The following NME9 variants were observed in gnomAD, a reference collection of about 807,000 sequenced individuals.
NME9 encodes thioredoxin domain-containing protein 6.
A neutral mutation model predicts 44.4 loss-of-function variants in NME9; 48 were observed. That is an observed-to-expected ratio of 1.08 (90% CI 0.86 to 1.37). The LOEUF (loss-of-function observed/expected upper bound fraction) is 1.37, where lower values mean the gene tolerates loss of function less well. Ranked by LOEUF, NME9 falls within the 40% of genes most tolerant of loss-of-function variation. NME9 has a pLI of 0.00. For missense variants in NME9, 325 were observed against 405.2 expected (o/e 0.80, Z 1.70); for synonymous variants, 139 against 147.1 (o/e 0.94, Z 0.40).
chr3:138,274,549 G>A (rs752483588), intron 8 of NME9: 1 of 1,598,254 alleles, frequency 6.3e-7, no homozygotes, highest in Non-Finnish European at 8.6e-7. Context: ...GAGCAGGTAC[G>A]TTGTTCCTTT....
intron 8 of NME9, among the ~76,000 whole-genome samples, chr3:138,272,196 A>C (rs914463774): frequency 6.6e-6 from 1 of 152,164 alleles, no homozygotes; most frequent in Non-Finnish European, 1.5e-5. Flanking sequence ...GCCAACACCT[A>C]CCATAGTATT....
Position 138,329,829 on chromosome 3 carries a change from G to T in NME9, c.-494C>A. On this transcript the variant is annotated 5_prime_UTR_variant, in exon 1 of 11. It introduces an in-frame stop codon into an upstream open reading frame of the 5' UTR. Transcript: ENST00000333911. ...CGGAGTCACCAACCGAGTCTGCCGC[G>T]ACCTAGCCGCGGTCGTCATGGCAAC... is the stretch of plus-strand genomic sequence containing the variant. 1 of 986,170 alleles carries T rather than the reference G, an allele frequency of 1.0e-6. No homozygotes were observed. The highest frequency in any genetic ancestry group is 1.2e-6 in the Non-Finnish European group (1 of 830,428). 61.1% of individuals were successfully genotyped at this position (986,170 alleles called of 1,614,324 possible). A position where few individuals can be genotyped will look rare whatever the true frequency, so the allele number is the denominator to read the frequency against.
chr3:138,311,633 A>G (rs1219233727), intron 6 of NME9, among the ~76,000 whole-genome samples: 1 of 152,230 alleles, frequency 6.6e-6, no homozygotes, highest in Non-Finnish European at 1.5e-5. Context: ...AACCAAGAAC[A>G]AAAACCATAT....
At position 138,315,650 on chromosome 3, in the gene NME9, T is replaced by C. The variant is rs2053022724; in HGVS notation, c.268-7A>G. 6.6e-7 allele frequency: 1 copy of C among 1,525,738 alleles called. No individual in the cohort carries two copies. The highest frequency in any genetic ancestry group is 8.8e-7 in the Non-Finnish European group (1 of 1,137,048). The allele number at this position is 1,525,738 out of a possible 1,614,324, so 94.5% of individuals were successfully genotyped here. A position where few individuals can be genotyped will look rare whatever the true frequency, so the allele number is the denominator to read the frequency against. On this transcript the variant is annotated splice_region_variant and splice_polypyrimidine_tract_variant and intron_variant, in intron 4 of 10. Transcript: ENST00000333911. ...CAGCCACCAGTTCTCCTCCCTAGAA[T>C]ACGTTACAAACAGCATGAAATACTC...
chr3:138,269,673 A>T (rs2048594299), intron 8 of NME9, among the ~76,000 whole-genome samples: 1 of 152,188 alleles, frequency 6.6e-6, no homozygotes, highest in Non-Finnish European at 1.5e-5. Context: ...AAAGTGACAG[A>T]GTCTCAGCGA....
intron 10 of NME9, among the ~76,000 whole-genome samples, chr3:138,302,757 A>G (rs974249332): frequency 1.3e-5 from 2 of 152,220 alleles, no homozygotes; most frequent in Admixed American, 1.3e-4. Context: ...ATTTAGACAC[A>G]CATTTCAGAT....
At chr3:138,304,313 G>T (rs1397359154) in intron 9 of NME9, among the ~76,000 whole-genome samples, 1 of 152,066 alleles carries the variant, frequency 6.6e-6, no homozygotes, top group Non-Finnish European at 1.5e-5. Context: ...CTGTTGTCTG[G>T]GCCTGTCAGC....
chr3:138,274,566 G>A (rs777919581), intron 8 of NME9: 33 of 1,557,706 alleles, frequency 2.1e-5, no homozygotes, highest in Non-Finnish European at 2.8e-5. Flanking sequence ...CTTTCTCTTG[G>A]GGAATATTTT....
intron 8 of NME9, chr3:138,270,063 A>T: frequency 6.2e-7 from 1 of 1,613,140 alleles, no homozygotes; most frequent in African/African-American, 1.3e-5. Context: ...CAGGAGCCGT[A>T]GAGCTACTTT....
intron 8 of NME9, among the ~76,000 whole-genome samples, chr3:138,283,986 C>A (rs567676170): frequency 2.0e-5 from 3 of 152,252 alleles, no homozygotes; most frequent in Non-Finnish European, 4.4e-5. Context: ...CAGGTGGAGG[C>A]CTAGGAAAGG....
chr3:138,299,032 A>C (rs2108420358), downstream of NME9, among the ~76,000 whole-genome samples: 1 of 152,304 alleles, frequency 6.6e-6, no homozygotes, highest in East Asian at 1.9e-4. Context: ...AGTGAGGTCT[A>C]AGGAGGGAAG....
chr3:138,267,347 C>T (rs1380973037), intron 8 of NME9: 5 of 630,312 alleles, frequency 7.9e-6, no homozygotes, highest in Non-Finnish European at 1.1e-5. Flanking sequence ...GGTTTAAAAA[C>T]TACTTCGGAA....
intron 8 of NME9, chr3:138,264,238 C>T (rs1045838057): frequency 6.3e-7 from 1 of 1,583,638 alleles, no homozygotes; most frequent in Non-Finnish European, 8.7e-7. Context: ...CAGCCAGTAA[C>T]AGCTGTACTC....
At chr3:138,271,557 T>G (rs2048788632) in intron 8 of NME9, among the ~76,000 whole-genome samples, 1 of 152,200 alleles carries the variant, frequency 6.6e-6, no homozygotes, top group Admixed American at 6.5e-5. Flanking sequence ...GTACAAACTA[T>G]CTTATTCTCG....
chr3:138,281,341 G>A (rs2049905231), intron 8 of NME9, among the ~76,000 whole-genome samples: 1 of 150,702 alleles, frequency 6.6e-6, no homozygotes, highest in African/African-American at 2.4e-5. Context: ...TTGCCAGGCT[G>A]GAGTGCAGTG....
chr3:138,297,767 G>A (rs1316107440), downstream of NME9: 1 of 152,182 alleles, frequency 6.6e-6, no homozygotes, highest in Admixed American at 6.6e-5. Flanking sequence ...TAGTTTATTG[G>A]GAAGAAAGCC....
chr3:138,303,440 A>G, intron 10 of NME9, 67 bp downstream of exon 10: 1 of 1,309,236 alleles, frequency 7.6e-7, no homozygotes, highest in Non-Finnish European at 1.1e-6. Context: ...CCACACACTC[A>G]AGCACATAGT....
intron 6 of NME9, among the ~76,000 whole-genome samples, chr3:138,309,274 G>A (rs1245822567): frequency 6.6e-6 from 1 of 150,912 alleles, no homozygotes; most frequent in Non-Finnish European, 1.5e-5. Flanking sequence ...ACTTCAGCCT[G>A]GTTGACAGAG....
chr3:138,271,131 CT>C (rs1247200243), intron 8 of NME9, among the ~76,000 whole-genome samples: 3 of 152,140 alleles, frequency 2.0e-5, no homozygotes, highest in African/African-American at 7.2e-5. Context: ...TTTATACAGA[CT>C]TTAGGATAGA....
Sources: allele counts gnomAD v4.1 joint callset (sites outside exome capture counted in the v4.1 genomes callset), GRCh38; gene constraint gnomAD v4.1.1; transcripts MANE v1.5; gene names NCBI Gene and HGNC (gene_info 2026-07-23, HGNC 2026-07-21).